The following ARHGAP24 variants were observed in gnomAD, a reference collection of about 807,000 sequenced individuals.
The protein encoded by ARHGAP24 is rho GTPase-activating protein 24.
ARHGAP24 carries 50 observed loss-of-function variants against 76.4 expected under a neutral mutation model. The observed-to-expected ratio is 0.65, with a 90% CI of 0.52 to 0.83. ARHGAP24 has a LOEUF of 0.83. Among genes scored for constraint, ARHGAP24 ranks in the 40% least tolerant of loss-of-function variants. The pLI, the probability that ARHGAP24 is intolerant of heterozygous loss-of-function variation, is 0.00. For missense variants in ARHGAP24, 930 were observed against 914.2 expected, an observed-to-expected ratio of 1.02 and a Z score of -0.22; for synonymous variants, 345 against 323.3, an observed-to-expected ratio of 1.07 and a Z score of -0.72.
chr4:85,487,299 A>T lies in ARHGAP24; in HGVS notation c.-21+11740A>T, dbSNP rs570357115. Among the ~76,000 whole-genome samples the T allele has an allele frequency of 2.1e-3, 254 of 121,964 alleles. 2 individuals are homozygous for T. Among genetic ancestry groups the T allele is most frequent in the African/African-American group, 7.9e-3 (245 of 31,066 alleles). The allele number at this position is 121,964 out of a possible 152,430, so 80.0% of individuals were successfully genotyped here. On this transcript the variant is annotated intron_variant, in intron 1 of 9. Transcript: ENST00000395184. ...TTTATTTTATATATAGTAAATATATATATTTATTATATATAAAATATATAT... is the reference window on the plus strand; with the variant it reads ...TTTATTTTATATATAGTAAATATATTTATTTATTATATATAAAATATATAT...
chr4:85,916,109 AT>A (rs1287606542), intron 3 of ARHGAP24, among the ~76,000 whole-genome samples: 2 of 152,162 alleles, frequency 1.3e-5, no homozygotes, highest in Non-Finnish European at 2.9e-5. Context: ...AATGATCGCC[AT>A]TCTAACTGGT....
At chr4:85,569,210 G>C (rs9760558) in intron 1 of ARHGAP24, among the ~76,000 whole-genome samples, 25,903 of 152,170 alleles carry the variant, frequency 0.17, 3,940 homozygotes, top group East Asian at 0.78. Context: ...CAGGGACTTT[G>C]TTTATATGCC....
At chr4:85,745,465 C>T (rs1725996224) in intron 3 of ARHGAP24, among the ~76,000 whole-genome samples, 2 of 138,834 alleles carry the variant, frequency 1.4e-5, no homozygotes, top group Non-Finnish European at 3.2e-5. Flanking sequence ...TGCTGTGCAC[C>T]TGTGGTTCTC....
intron 3 of ARHGAP24, among the ~76,000 whole-genome samples, chr4:85,878,239 A>G (rs1007882261): frequency 6.6e-6 from 1 of 152,190 alleles, no homozygotes; most frequent in Non-Finnish European, 1.5e-5. Flanking sequence ...GTTTTTGATT[A>G]TGTAAATTTT....
At chr4:85,996,376 T>G (rs956733245) in intron 9 of ARHGAP24, among the ~76,000 whole-genome samples, 3 of 152,216 alleles carry the variant, frequency 2.0e-5, no homozygotes, top group Non-Finnish European at 1.5e-5. Flanking sequence ...TAAAACCTAA[T>G]TATATCAATG....
At chr4:85,610,068 T>C (rs1478918400) in intron 2 of ARHGAP24, among the ~76,000 whole-genome samples, 3 of 152,164 alleles carry the variant, frequency 2.0e-5, no homozygotes, top group African/African-American at 7.2e-5. Context: ...GTCAGGTCCC[T>C]GAGGGTGTAG....
intron 4 of ARHGAP24, among the ~76,000 whole-genome samples, chr4:85,931,331 C>T (rs1026942895): frequency 3.3e-5 from 5 of 152,072 alleles, no homozygotes; most frequent in African/African-American, 1.2e-4. Flanking sequence ...TGACCGTCCT[C>T]AGAGGAGGGG....
At chr4:85,964,412 G>A (rs535769975) in intron 5 of ARHGAP24, among the ~76,000 whole-genome samples, 1 of 152,106 alleles carries the variant, frequency 6.6e-6, no homozygotes, top group East Asian at 1.9e-4. Flanking sequence ...CAGTGGAAAG[G>A]TCTGATGCAG....
chr4:85,867,822 T>A (rs544056851), intron 3 of ARHGAP24, among the ~76,000 whole-genome samples: 80 of 148,266 alleles, frequency 5.4e-4, no homozygotes, highest in African/African-American at 1.8e-3. Flanking sequence ...ATAAAACTAG[T>A]GTATAATTAT....
intron 3 of ARHGAP24, among the ~76,000 whole-genome samples, chr4:85,784,118 G>A (rs1727693363): frequency 6.6e-6 from 1 of 152,162 alleles, no homozygotes; most frequent in Admixed American, 6.5e-5. Context: ...CCTCTCAGAG[G>A]TTGCTCATGA....
At chr4:85,671,598 A>T (rs1406823820) in intron 2 of ARHGAP24, among the ~76,000 whole-genome samples, 1 of 152,124 alleles carries the variant, frequency 6.6e-6, no homozygotes, top group African/African-American at 2.4e-5. Context: ...TTTGTTTTGG[A>T]GCTATGAGCA....
At chr4:85,544,849 C>A (rs1725851863) in intron 1 of ARHGAP24, among the ~76,000 whole-genome samples, 1 of 152,066 alleles carries the variant, frequency 6.6e-6, no homozygotes, top group Non-Finnish European at 1.5e-5. Flanking sequence ...ATTTAAAACA[C>A]CTTTTCTTAA....
intron 3 of ARHGAP24, among the ~76,000 whole-genome samples, chr4:85,865,860 A>G (rs973080587): frequency 3.9e-5 from 6 of 152,158 alleles, no homozygotes; most frequent in Non-Finnish European, 8.8e-5. Flanking sequence ...ATTTATCTAC[A>G]ACGTATTCCC....
At chr4:85,490,224 A>G (rs1188220821) in intron 1 of ARHGAP24, among the ~76,000 whole-genome samples, 1 of 152,118 alleles carries the variant, frequency 6.6e-6, no homozygotes, top group Non-Finnish European at 1.5e-5. Flanking sequence ...ACAGTTGGTG[A>G]TGCTTTTTGT....
chr4:85,968,824 G>A (rs990573590), intron 5 of ARHGAP24, among the ~76,000 whole-genome samples: 3 of 152,010 alleles, frequency 2.0e-5, no homozygotes, highest in African/African-American at 7.2e-5. Flanking sequence ...GCCCCAAAAA[G>A]AGAGTCATAA....
At chr4:85,869,578 G>T (rs2665873) in intron 3 of ARHGAP24, among the ~76,000 whole-genome samples, 4 of 152,130 alleles carry the variant, frequency 2.6e-5, no homozygotes, top group Admixed American at 2.0e-4. Context: ...TGAAAGTTTC[G>T]CTATTTTGAC....
chr4:85,649,109 G>A (rs1034587375), intron 2 of ARHGAP24, among the ~76,000 whole-genome samples: 9 of 151,690 alleles, frequency 5.9e-5, no homozygotes, highest in African/African-American at 1.9e-4. Flanking sequence ...CTAAGTGTTC[G>A]GCTGATATCT....
chr4:85,688,318 T>C (rs1483962132), intron 2 of ARHGAP24, among the ~76,000 whole-genome samples: 1 of 152,238 alleles, frequency 6.6e-6, no homozygotes, highest in Non-Finnish European at 1.5e-5. Flanking sequence ...ATTTCTCTGA[T>C]GATTAGTGAT....
intron 3 of ARHGAP24, among the ~76,000 whole-genome samples, chr4:85,812,059 C>T (rs981681389): frequency 1.3e-5 from 2 of 152,038 alleles, no homozygotes; most frequent in African/African-American, 4.8e-5. Flanking sequence ...ACCTGTAGTC[C>T]CAGCTACTCA....
Sources: gnomAD v4.1 joint callset for allele counts (sites outside exome capture counted in the v4.1 genomes callset) on GRCh38, gnomAD v4.1.1 for gene constraint, MANE v1.5 for transcripts, NCBI Gene and HGNC (gene_info 2026-07-23, HGNC 2026-07-21) for gene names.